The following CTNND2 variants were observed in gnomAD, a reference collection of about 807,000 sequenced individuals.
CTNND2 encodes the protein catenin delta-2.
A neutral mutation model predicts 144.4 loss-of-function variants in CTNND2; 22 were observed. That is an observed-to-expected ratio of 0.15 (90% CI 0.11 to 0.22). The LOEUF is 0.22. CTNND2 is among the 10% of genes least tolerant of loss of function. CTNND2 has a pLI of 1.00. For missense variants in CTNND2, 1,353 were observed against 1,618.8 expected, an observed-to-expected ratio of 0.84 and a Z score of 2.82; for synonymous variants, 751 against 695.6, an observed-to-expected ratio of 1.08 and a Z score of -1.25.
intron 18 of CTNND2, among the ~76,000 whole-genome samples, chr5:11,001,867 C>T (rs1448048237): frequency 6.6e-6 from 1 of 152,160 alleles, no homozygotes; most frequent in Non-Finnish European, 1.5e-5. Flanking sequence ...ATACAATTGC[C>T]TCCTCTTTAA....
intron 1 of CTNND2, among the ~76,000 whole-genome samples, chr5:11,872,836 C>T (rs1735260475): frequency 6.6e-6 from 1 of 152,004 alleles, no homozygotes; most frequent in African/African-American, 2.4e-5. Context: ...TTCCTTATAC[C>T]TTATACAAAA....
At chr5:11,156,266 A>T (rs1329937985) in intron 12 of CTNND2, among the ~76,000 whole-genome samples, 1 of 152,172 alleles carries the variant, frequency 6.6e-6, no homozygotes, top group Admixed American at 6.5e-5. Context: ...TTCATAGATT[A>T]TTTTTTTCCA....
intron 6 of CTNND2, among the ~76,000 whole-genome samples, chr5:11,394,633 G>A (rs796189134): frequency 3.9e-5 from 6 of 152,334 alleles, no homozygotes; most frequent in African/African-American, 1.4e-4. Context: ...AAAGAGTAAT[G>A]TCAGAGAACA....
chr5:11,265,168 T>C (rs561199540), intron 9 of CTNND2, among the ~76,000 whole-genome samples: 10 of 152,244 alleles, frequency 6.6e-5, no homozygotes, highest in Admixed American at 1.3e-4. Context: ...CTGCCATAAA[T>C]GTTCTAAAGA....
At position 11,054,297 on chromosome 5, in the gene CTNND2, T is replaced by C. The variant is rs986543778; in HGVS notation, c.2788+28399A>G. Among the ~76,000 whole-genome samples the C allele has an allele frequency of 1.2e-3, 183 of 152,196 alleles. 1 individual carries two copies. The highest frequency in any genetic ancestry group is 4.2e-3 in the African/African-American group (175 of 41,514). ...GGCTTCTAACAACAGCCCTAGGAGG[T>C]CAACACTGCAGTTCTTTCCATCTTA... On this transcript the variant is annotated intron_variant, in intron 16 of 21. Coordinates refer to ENST00000304623, the MANE Select transcript of CTNND2 (RefSeq NM_001332.4).
intron 13 of CTNND2, among the ~76,000 whole-genome samples, chr5:11,116,162 A>G (rs61753325): frequency 0.014 from 2,119 of 152,312 alleles, 54 homozygotes; most frequent in African/African-American, 0.048. Flanking sequence ...ATGTATTTAC[A>G]TGAACACTCC....
intron 1 of CTNND2, among the ~76,000 whole-genome samples, chr5:11,760,536 G>A (rs4574544): frequency 0.88 from 133,617 of 152,156 alleles, 60,790 homozygotes; most frequent in Non-Finnish European, 0.99. Flanking sequence ...ACTGAAAAAT[G>A]CCGTGGTATT....
At chr5:11,776,442 G>A (rs111552893) in intron 1 of CTNND2, among the ~76,000 whole-genome samples, 50 of 152,284 alleles carry the variant, frequency 3.3e-4, no homozygotes, top group African/African-American at 1.2e-3. Context: ...TGTTTGTGGA[G>A]GGTCAGAGAA....
intron 16 of CTNND2, among the ~76,000 whole-genome samples, chr5:11,037,651 C>T (rs912595306): frequency 3.9e-5 from 6 of 152,138 alleles, no homozygotes; most frequent in African/African-American, 1.4e-4. Flanking sequence ...TGATTTGAAT[C>T]GGGCATGTTA....
At chr5:11,247,231 C>G (rs542482276) in intron 9 of CTNND2, among the ~76,000 whole-genome samples, 21 of 152,258 alleles carry the variant, frequency 1.4e-4, no homozygotes, top group African/African-American at 4.8e-4. Flanking sequence ...CAGATGGTGG[C>G]TCAGCCCCAG....
chr5:11,047,698 G>T (rs1016588195), intron 16 of CTNND2, among the ~76,000 whole-genome samples: 1 of 152,140 alleles, frequency 6.6e-6, no homozygotes, highest in Non-Finnish European at 1.5e-5. Flanking sequence ...GAAGTAGGCT[G>T]GGGGCACAAG....
At chr5:11,195,618 G>A (rs1455263896) in intron 11 of CTNND2, among the ~76,000 whole-genome samples, 4 of 152,224 alleles carry the variant, frequency 2.6e-5, no homozygotes, top group Non-Finnish European at 5.9e-5. Flanking sequence ...GATGGACACT[G>A]TGCTCCTGGA....
intron 16 of CTNND2, among the ~76,000 whole-genome samples, chr5:11,063,876 C>T (rs540713685): frequency 9.9e-5 from 15 of 152,206 alleles, no homozygotes; most frequent in African/African-American, 3.6e-4. Context: ...TTGCATACCC[C>T]TACTCTTAAA....
intron 8 of CTNND2, among the ~76,000 whole-genome samples, chr5:11,354,064 G>T (rs1755615388): frequency 6.6e-6 from 1 of 152,178 alleles, no homozygotes; most frequent in Non-Finnish European, 1.5e-5. Context: ...AGGAGAGGCT[G>T]CATGGGGCAA....
At chr5:11,662,207 A>ATATGTG (rs1561669224) in intron 2 of CTNND2, among the ~76,000 whole-genome samples, 63 of 131,624 alleles carry the variant, frequency 4.8e-4, no homozygotes, top group African/African-American at 1.8e-3. Flanking sequence ...GTATATATGT[A>ATATGTG]TATATATACA....
At chr5:11,219,202 C>T (rs972086158) in intron 10 of CTNND2, among the ~76,000 whole-genome samples, 1 of 152,206 alleles carries the variant, frequency 6.6e-6, no homozygotes, top group Admixed American at 6.5e-5. Flanking sequence ...CATCCCCATG[C>T]AGTGGGGGTC....
At chr5:11,196,291 G>T (rs758959746) in intron 11 of CTNND2, among the ~76,000 whole-genome samples, 58 of 152,070 alleles carry the variant, frequency 3.8e-4, no homozygotes, top group Non-Finnish European at 4.6e-4. Context: ...TTGAATATTT[G>T]TTTATAATAT....
At chr5:10,985,463 A>G (rs1489146223) in intron 20 of CTNND2, among the ~76,000 whole-genome samples, 1 of 152,240 alleles carries the variant, frequency 6.6e-6, no homozygotes, top group Non-Finnish European at 1.5e-5. Flanking sequence ...GAAGCCTGGA[A>G]TAAACACCTA....
chr5:11,209,354 T>C (rs1738377427), intron 10 of CTNND2, among the ~76,000 whole-genome samples: 1 of 152,210 alleles, frequency 6.6e-6, no homozygotes, highest in African/African-American at 2.4e-5. Flanking sequence ...GTAGTCAAGA[T>C]GGCTTAGTGG....
Sources: allele counts gnomAD v4.1 joint callset (sites outside exome capture counted in the v4.1 genomes callset), GRCh38; gene constraint gnomAD v4.1.1; transcripts MANE v1.5; gene names NCBI Gene and HGNC (gene_info 2026-07-23, HGNC 2026-07-21).